The following NPHP1 variants were observed in gnomAD, a reference collection of about 807,000 sequenced individuals.
NPHP1 encodes the protein nephrocystin 1.
NPHP1 carries 70 observed loss-of-function variants against 90.4 expected under a neutral mutation model. The ratio of observed to expected loss-of-function variants is 0.77; its 90% CI spans 0.64 to 0.95. The LOEUF is 0.95. Ranked by LOEUF, NPHP1 falls within the 40% of genes least tolerant of loss-of-function variation. NPHP1 has a pLI of 0.00. For missense variants in NPHP1, 764 were observed against 795.9 expected (o/e 0.96, Z 0.48); for synonymous variants, 256 against 271.7 (o/e 0.94, Z 0.57).
intron 16 of NPHP1, among the ~76,000 whole-genome samples, chr2:110,132,200 C>A (rs1179815264): frequency 6.6e-6 from 1 of 152,152 alleles, no homozygotes; most frequent in Non-Finnish European, 1.5e-5. Flanking sequence ...CTGGGTGGAA[C>A]ATGGGAGGGT....
At position 110,143,551 on chromosome 2, in the gene NPHP1, T is replaced by C. The variant is rs35638834; in HGVS notation, c.1520A>G (p.Asn507Ser). The change falls in exon 16 of 20, where the codon AAT becomes AGT. Residue 507 changes from asparagine (N) to serine (S), a missense_variant. Physicochemically the swap from Asn to Ser is conservative, Grantham distance 46 (BLOSUM62 1). Coordinates refer to ENST00000445609, the MANE Select transcript of NPHP1 (RefSeq NM_001128178.3). ...AAAAGCAGGTACCCACCTTAGTACA[T>C]TTCTTGATCTTCTGTTCAAGGATCT... ...KLRSLNRRSRNVLSLLPETLI... is the reference protein window; with the variant it reads ...KLRSLNRRSRSVLSLLPETLI... 4 of 1,610,708 alleles carry C rather than the reference T, an allele frequency of 2.5e-6. No individual in the cohort carries two copies. The highest frequency in any genetic ancestry group is 2.7e-5 in the African/African-American group (2 of 74,852).
intron 11 of NPHP1, among the ~76,000 whole-genome samples, chr2:110,153,692 T>C (rs569209585): frequency 6.6e-6 from 1 of 152,080 alleles, no homozygotes; most frequent in African/African-American, 2.4e-5. Flanking sequence ...CTAAAAAATG[T>C]TCAAGTGGGG....
At chr2:110,166,308 C>T (rs554656576) in intron 6 of NPHP1, among the ~76,000 whole-genome samples, 1 of 152,332 alleles carries the variant, frequency 6.6e-6, no homozygotes, top group Non-Finnish European at 1.5e-5. Flanking sequence ...GATGACAACA[C>T]AAGTTGCTGG....
At chr2:110,190,967 C>T (rs192608051) in intron 2 of NPHP1, among the ~76,000 whole-genome samples, 7 of 152,176 alleles carry the variant, frequency 4.6e-5, no homozygotes, top group South Asian at 2.1e-4. Flanking sequence ...CCAGTCAGAA[C>T]GGTGATTATT....
intron 17 of NPHP1, 125 bp downstream of exon 17, chr2:110,131,554 A>G (rs1343242669): frequency 4.3e-6 from 3 of 699,780 alleles, no homozygotes; most frequent in East Asian, 5.4e-5. Flanking sequence ...ATTAACATCA[A>G]TGCTGTTCTA....
Position 110,138,672 on chromosome 2 carries a change from C to T in NPHP1, c.1529+4870G>A, listed in dbSNP as rs114137273. On this transcript the variant is annotated intron_variant, in intron 16 of 19. Coordinates refer to ENST00000445609, the MANE Select transcript of NPHP1 (RefSeq NM_001128178.3). ...GAACGACCTGAGCATGAACAACATG[C>T]TCATGTTCTGCCCTTTGGTCCACGG... 8.3e-4 allele frequency among the ~76,000 whole-genome samples: 126 copies of T among 152,152 alleles called. 1 individual carries two copies. In the East Asian group the frequency reaches 0.015, roughly 18 times the overall value.
intron 1 of NPHP1, 146 bp from the exon 2 acceptor site, chr2:110,201,640 C>T (rs1016221799): frequency 1.6e-5 from 10 of 630,040 alleles, no homozygotes; most frequent in Non-Finnish European, 2.2e-5. Context: ...CCCATATACC[C>T]GCTACCTAGA....
At chr2:110,128,998 G>A in intron 18 of NPHP1, 188 bp downstream of exon 18, 1 of 623,448 alleles carries the variant, frequency 1.6e-6, no homozygotes, top group African/African-American at 1.8e-5. Context: ...CCCTGGGTCA[G>A]GGAAGGCAGC....
rs1307512159 is a variant in NPHP1, at chr2:110,144,302, T to C, written c.1429+191A>G. 4 of 583,494 alleles carry C rather than the reference T, an allele frequency of 6.9e-6. No homozygotes were observed. The East Asian group carries it at 1.2e-4, about 17-fold the overall frequency. The allele number at this position is 583,494 out of a possible 1,614,324, so 36.1% of individuals were successfully genotyped here. On this transcript the variant is annotated intron_variant, in intron 15 of 19. Coordinates refer to ENST00000445609, the MANE Select transcript of NPHP1 (RefSeq NM_001128178.3). Reference sequence around the variant, plus strand: ...CTTCATGATTTCATTCTTCATGATGTCTTAGAGTCTCATATGTGTTACCAA... The same window carrying C: ...CTTCATGATTTCATTCTTCATGATGCCTTAGAGTCTCATATGTGTTACCAA...
chr2:110,164,287 T>G (rs1246748780), intron 8 of NPHP1: 2 of 539,652 alleles, frequency 3.7e-6, no homozygotes, highest in Non-Finnish European at 6.6e-6. Context: ...TCCTCCTGCT[T>G]CAGCTTCCCA....
At chr2:110,183,427 G>C (rs1684050814) in intron 2 of NPHP1, among the ~76,000 whole-genome samples, 1 of 152,142 alleles carries the variant, frequency 6.6e-6, no homozygotes, top group South Asian at 2.1e-4. Flanking sequence ...TTCCCGTAAG[G>C]AATACTTTTA....
At chr2:110,182,123 A>T (rs1409335336) in intron 2 of NPHP1, among the ~76,000 whole-genome samples, 1 of 152,190 alleles carries the variant, frequency 6.6e-6, no homozygotes, top group Non-Finnish European at 1.5e-5. Context: ...CCTTAGAGAA[A>T]TATGGGATTA....
chr2:110,199,761 A>G (rs1390027528), intron 2 of NPHP1, among the ~76,000 whole-genome samples: 1 of 152,206 alleles, frequency 6.6e-6, no homozygotes, highest in Non-Finnish European at 1.5e-5. Context: ...AATGGAATTA[A>G]CGAAATAATC....
Position 110,125,343 on chromosome 2 carries a change from A to G in NPHP1, c.1761+294T>C, listed in dbSNP as rs961754918. ...TGAGAGCTAGAGAAGTTTTTTAAAA[A>G]TAAAAGAAATTTGATACACAACTGA... is the stretch of plus-strand genomic sequence containing the variant. On this transcript the variant is annotated intron_variant, in intron 19 of 19. Transcript: ENST00000445609. 16 of 1,514,158 alleles carry G rather than the reference A, an allele frequency of 1.1e-5. No homozygotes were observed. The Admixed American group carries it at 3.6e-4, about 34-fold the overall frequency. The allele number at this position is 1,514,158 out of a possible 1,614,324, so 93.8% of individuals were successfully genotyped here.
intron 16 of NPHP1, among the ~76,000 whole-genome samples, chr2:110,140,714 G>A (rs1306175671): frequency 2.0e-5 from 3 of 152,066 alleles, no homozygotes; most frequent in African/African-American, 7.2e-5. Context: ...CTACTGTGCT[G>A]CTTTCTTTCT....
intron 18 of NPHP1, chr2:110,127,659 A>G (rs1679463242): frequency 6.6e-6 from 1 of 152,100 alleles, no homozygotes; most frequent in South Asian, 2.1e-4. Flanking sequence ...CCCGTGGCAC[A>G]TTCTGGGTGC....
chr2:110,147,072 CCAA>C (rs950926286), intron 13 of NPHP1, among the ~76,000 whole-genome samples: 8 of 152,124 alleles, frequency 5.3e-5, no homozygotes, highest in African/African-American at 1.7e-4. Context: ...ATCCCTTAAA[CCAA>C]TGATGTGGCA....
chr2:110,165,321 T>C (rs532452729), intron 6 of NPHP1, among the ~76,000 whole-genome samples, 166 bp from the exon 7 acceptor site: 1 of 152,058 alleles, frequency 6.6e-6, no homozygotes, highest in African/African-American at 2.4e-5. Flanking sequence ...TGAGCATAGA[T>C]GGGAATTTAG....
At chr2:110,161,843 CA>C in intron 9 of NPHP1, 146 bp from the exon 10 acceptor site, 1 of 616,788 alleles carries the variant, frequency 1.6e-6, no homozygotes, top group Non-Finnish European at 2.9e-6. Flanking sequence ...ATAGAAGCGC[CA>C]ATATAGATTT....
Sources: allele counts gnomAD v4.1 joint callset (sites outside exome capture counted in the v4.1 genomes callset), GRCh38; gene constraint gnomAD v4.1.1; transcripts MANE v1.5; gene names NCBI Gene and HGNC (gene_info 2026-07-23, HGNC 2026-07-21).